The following CNTN4 variants were observed in gnomAD, a reference collection of about 807,000 sequenced individuals.
CNTN4 encodes contactin 4.
Under a neutral mutation model 122.5 loss-of-function variants are expected in CNTN4, and 77 were observed. The ratio of observed to expected loss-of-function variants is 0.63; its 90% confidence interval spans 0.52 to 0.76. The LOEUF is 0.76. Ranked by LOEUF, CNTN4 falls within the 30% of genes least tolerant of loss-of-function variation. CNTN4 has a pLI of 0.00. For missense variants in CNTN4, 1,256 were observed against 1,259.1 expected, an observed-to-expected ratio of 1.00 and a Z score of 0.04; for synonymous variants, 512 against 447.0, an observed-to-expected ratio of 1.15 and a Z score of -1.83.
chr3:3,016,704 T>C (rs1246163610), intron 14 of CNTN4, among the ~76,000 whole-genome samples: 1 of 152,190 alleles, frequency 6.6e-6, no homozygotes, highest in Non-Finnish European at 1.5e-5. Flanking sequence ...GCAGATCTAA[T>C]AACTTTGATT....
chr3:2,250,966 G>A (rs1479767348), intron 2 of CNTN4, among the ~76,000 whole-genome samples: 2 of 151,796 alleles, frequency 1.3e-5, no homozygotes, highest in African/African-American at 4.8e-5. Context: ...TTATGCATAA[G>A]TCTGAGTAAG....
chr3:2,787,367 C>T (rs1576793680), intron 6 of CNTN4, among the ~76,000 whole-genome samples: 1 of 152,212 alleles, frequency 6.6e-6, no homozygotes, highest in South Asian at 2.1e-4. Flanking sequence ...CAGAGCGAGA[C>T]TCCGCCTCAA....
intron 6 of CNTN4, among the ~76,000 whole-genome samples, chr3:2,813,989 G>A (rs146689073): frequency 2.6e-4 from 39 of 152,280 alleles, no homozygotes; most frequent in African/African-American, 8.7e-4. Flanking sequence ...TCTCAATGAG[G>A]TAACACATTC....
intron 14 of CNTN4, among the ~76,000 whole-genome samples, chr3:3,019,223 G>A (rs1298459366): frequency 6.6e-6 from 1 of 152,026 alleles, no homozygotes; most frequent in Admixed American, 6.6e-5. Context: ...AAGGCTGGTG[G>A]GTACAAGTTT....
chr3:2,431,110 G>T (rs1374847952), intron 3 of CNTN4, among the ~76,000 whole-genome samples: 9 of 152,112 alleles, frequency 5.9e-5, no homozygotes, highest in Non-Finnish European at 1.2e-4. Flanking sequence ...TGTATTCAGA[G>T]ATATTCATTG....
At chr3:2,129,921 G>A (rs932999938) in intron 2 of CNTN4, among the ~76,000 whole-genome samples, 3 of 151,940 alleles carry the variant, frequency 2.0e-5, no homozygotes, top group African/African-American at 7.3e-5. Context: ...TTCCTTAAAT[G>A]AAGGTTTTCA....
intron 12 of CNTN4, among the ~76,000 whole-genome samples, chr3:2,925,259 A>C (rs972080846): frequency 6.6e-6 from 1 of 152,200 alleles, no homozygotes; most frequent in Non-Finnish European, 1.5e-5. Context: ...TAAGTGTATT[A>C]GAGAAAGAAA....
intron 2 of CNTN4, among the ~76,000 whole-genome samples, chr3:2,300,934 C>A (rs2042493108): frequency 6.6e-6 from 1 of 152,030 alleles, no homozygotes; most frequent in African/African-American, 2.4e-5. Flanking sequence ...GAAGGCGTGT[C>A]CATTTGGTGG....
intron 14 of CNTN4, among the ~76,000 whole-genome samples, chr3:3,015,034 C>T (rs1024126695): frequency 6.6e-6 from 1 of 151,996 alleles, no homozygotes; most frequent in African/African-American, 2.4e-5. Flanking sequence ...AATGATTTGC[C>T]TCTTTCTCTC....
At chr3:2,099,937 T>A (rs1360996039) in intron 1 of CNTN4, among the ~76,000 whole-genome samples, 2 of 152,208 alleles carry the variant, frequency 1.3e-5, no homozygotes, top group East Asian at 3.9e-4. Context: ...GGACGTGGGC[T>A]CCTGAATCCC....
At chr3:2,482,809 C>G (rs2076042800) in intron 3 of CNTN4, among the ~76,000 whole-genome samples, 1 of 152,204 alleles carries the variant, frequency 6.6e-6, no homozygotes, top group African/African-American at 2.4e-5. Flanking sequence ...GGTTTGAGAA[C>G]CTCCACTTAG....
intron 2 of CNTN4, among the ~76,000 whole-genome samples, chr3:2,147,813 C>A (rs1226798650): frequency 6.6e-6 from 1 of 152,172 alleles, no homozygotes; most frequent in Non-Finnish European, 1.5e-5. Flanking sequence ...ACAAGATGGC[C>A]TGTCTTTTTC....
intron 3 of CNTN4, among the ~76,000 whole-genome samples, chr3:2,417,270 C>A (rs547028754): frequency 2.6e-4 from 39 of 152,308 alleles, no homozygotes; most frequent in African/African-American, 9.4e-4. Flanking sequence ...TCATCGTAGA[C>A]AGTTGGTGAA....
At chr3:2,569,215 A>C (rs2079313165) in intron 3 of CNTN4, among the ~76,000 whole-genome samples, 1 of 152,232 alleles carries the variant, frequency 6.6e-6, no homozygotes. Context: ...TTAAGGGCAC[A>C]AAAGAAAGGC....
Position 2,887,135 on chromosome 3 carries a change from A to G in CNTN4, c.851A>G (p.Asn284Ser). ...TCAAATGGAATTCTTGAGATCCCTA[A>G]TTTTCAGCAGGAGGATGCTGGTTTA... ...HKSNGILEIP[N>S]FQQEDAGLYE... The change falls in exon 10 of 25, where the codon AAT becomes AGT. Residue 284 changes from asparagine to serine, a missense_variant. Asn to Ser is a conservative substitution (Grantham distance 46, BLOSUM62 1). Coordinates refer to ENST00000418658, the MANE Select transcript of CNTN4 (RefSeq NM_175607.3). The G allele has an allele frequency of 6.2e-7, 1 of 1,614,130 alleles. No homozygotes were observed. Among genetic ancestry groups the G allele is most frequent in the Non-Finnish European group, 8.5e-7 (1 of 1,180,006 alleles).
intron 3 of CNTN4, among the ~76,000 whole-genome samples, chr3:2,506,091 G>C (rs1442208563): frequency 6.6e-6 from 1 of 151,974 alleles, no homozygotes; most frequent in Non-Finnish European, 1.5e-5. Flanking sequence ...GTTTCTGCCG[G>C]TTTTCCTCAT....
intron 3 of CNTN4, among the ~76,000 whole-genome samples, chr3:2,380,444 CT>C (rs112528652): frequency 0.3 from 45,586 of 152,016 alleles, 7,029 homozygotes; most frequent in Middle Eastern, 0.41. Context: ...TCTATTTTAC[CT>C]TTATATAGCT....
chr3:2,380,210 G>T (rs1236321967), intron 3 of CNTN4, among the ~76,000 whole-genome samples: 1 of 152,176 alleles, frequency 6.6e-6, no homozygotes, highest in Non-Finnish European at 1.5e-5. Context: ...TAGGGAAAAT[G>T]GGATGAGAAT....
In CNTN4 at chr3:2,280,480, TA is replaced by T. The variant is rs1384575417; in HGVS notation, c.-144-58696del. On this transcript the variant is annotated intron_variant, in intron 2 of 24. Transcript: ENST00000418658. ...TAGCTCTGAGGATACAAATGAAGAG[TA>T]ATGTTTCTTGCCCCTGGTCCCACAG... is the stretch of plus-strand genomic sequence containing the variant. Among the ~76,000 whole-genome samples the T allele has an allele frequency of 2.0e-5, 3 of 152,088 alleles. No individual in the cohort carries two copies. In the East Asian group the frequency reaches 5.8e-4, roughly 29 times the overall value.
Sources: allele counts gnomAD v4.1 joint callset (sites outside exome capture counted in the v4.1 genomes callset), GRCh38; gene constraint gnomAD v4.1.1; transcripts MANE v1.5; gene names NCBI Gene and HGNC (gene_info 2026-07-23, HGNC 2026-07-21).